AGBL4: variants seen among roughly 807,000 people sequenced by gnomAD.
AGBL4 encodes the protein AGBL carboxypeptidase 4, also known as cytosolic carboxypeptidase 6.
AGBL4 carries 58 observed loss-of-function variants against 66.4 expected under a neutral mutation model. That is an observed-to-expected ratio of 0.87 (90% CI 0.71 to 1.09). The LOEUF (loss-of-function observed/expected upper bound fraction) is 1.09, where lower values mean the gene tolerates loss of function less well. AGBL4 is among the 50% of genes least tolerant of loss of function. AGBL4 has a pLI of 0.00. For missense variants in AGBL4, 579 were observed against 631.0 expected, an observed-to-expected ratio of 0.92 and a Z score of 0.88; for synonymous variants, 234 against 222.9, an observed-to-expected ratio of 1.05 and a Z score of -0.44.
intron 2 of AGBL4, among the ~76,000 whole-genome samples, chr1:49,760,589 C>G (rs1652231668): frequency 6.6e-6 from 1 of 152,134 alleles, no homozygotes; most frequent in Non-Finnish European, 1.5e-5. Context: ...TAAATTAGTT[C>G]AACCACTGTG....
chr1:49,001,122 T>C (rs1661365270), intron 5 of AGBL4, among the ~76,000 whole-genome samples: 1 of 152,190 alleles, frequency 6.6e-6, no homozygotes, highest in South Asian at 2.1e-4. Context: ...ACCATTATGC[T>C]TCATTTTTAG....
chr1:49,348,911 T>C (rs1645693823), intron 3 of AGBL4, among the ~76,000 whole-genome samples: 1 of 152,212 alleles, frequency 6.6e-6, no homozygotes, highest in Non-Finnish European at 1.5e-5. Context: ...CCAGGGTAAA[T>C]AGTGAAAATA....
intron 4 of AGBL4, among the ~76,000 whole-genome samples, chr1:49,105,179 T>C (rs1645270262): frequency 6.6e-6 from 1 of 152,116 alleles, no homozygotes; most frequent in South Asian, 2.1e-4. Flanking sequence ...TGCTGCCAGG[T>C]GGGAGGACAG....
intron 4 of AGBL4, among the ~76,000 whole-genome samples, chr1:49,174,632 T>C (rs1646798610): frequency 6.6e-6 from 1 of 152,118 alleles, no homozygotes; most frequent in African/African-American, 2.4e-5. Context: ...TTGTTCAATC[T>C]ATAGGAGAAT....
chr1:49,484,915 T>C (rs1425071348), intron 3 of AGBL4, among the ~76,000 whole-genome samples: 1 of 151,788 alleles, frequency 6.6e-6, no homozygotes, highest in African/African-American at 2.4e-5. Context: ...TTTAAAAATC[T>C]TTATAAATGT....
At chr1:49,329,627 C>T (rs1223723796) in intron 3 of AGBL4, among the ~76,000 whole-genome samples, 1 of 152,082 alleles carries the variant, frequency 6.6e-6, no homozygotes, top group Non-Finnish European at 1.5e-5. Context: ...GATTGCACCA[C>T]TGCACTCCAG....
chr1:48,848,726 C>T (rs1159576901), intron 6 of AGBL4, among the ~76,000 whole-genome samples: 1 of 152,120 alleles, frequency 6.6e-6, no homozygotes, highest in Non-Finnish European at 1.5e-5. Context: ...GTGAAGTCTG[C>T]CGTATTGTGT....
chr1:48,620,449 T>A (rs1570031352), intron 9 of AGBL4, among the ~76,000 whole-genome samples: 2 of 151,926 alleles, frequency 1.3e-5, no homozygotes, highest in African/African-American at 2.4e-5. Flanking sequence ...GCTTTTAAAA[T>A]TTTTTTTGTA....
At chr1:48,820,991 CAT>C (rs1646299746) in intron 6 of AGBL4, among the ~76,000 whole-genome samples, 2 of 151,990 alleles carry the variant, frequency 1.3e-5, no homozygotes, top group African/African-American at 4.8e-5. Flanking sequence ...GGCCAATAAA[CAT>C]ATGAAAAAAT....
chr1:48,825,616 C>T (rs1391246306), intron 6 of AGBL4, among the ~76,000 whole-genome samples: 1 of 152,022 alleles, frequency 6.6e-6, no homozygotes, highest in Non-Finnish European at 1.5e-5. Context: ...ATTTTATTCG[C>T]TCATTGACTA....
At chr1:48,944,094 G>C (rs1656245476) in intron 5 of AGBL4, among the ~76,000 whole-genome samples, 1 of 152,146 alleles carries the variant, frequency 6.6e-6, no homozygotes, top group African/African-American at 2.4e-5. Flanking sequence ...TAAGGCACTG[G>C]CCTGCCTCAT....
At chr1:49,825,362 T>G (rs1645482711) in intron 2 of AGBL4, among the ~76,000 whole-genome samples, 1 of 152,244 alleles carries the variant, frequency 6.6e-6, no homozygotes, top group Non-Finnish European at 1.5e-5. Context: ...GTTGTTGACA[T>G]TTACCAAGTG....
chr1:48,562,744 G>T (rs1432888930), intron 11 of AGBL4, among the ~76,000 whole-genome samples: 2 of 152,160 alleles, frequency 1.3e-5, no homozygotes, highest in Non-Finnish European at 2.9e-5. Flanking sequence ...AGGAACTTCT[G>T]CTCAAATCAT....
At chr1:49,124,948 T>C (rs576101853) in intron 4 of AGBL4, among the ~76,000 whole-genome samples, 1 of 152,214 alleles carries the variant, frequency 6.6e-6, no homozygotes, top group African/African-American at 2.4e-5. Flanking sequence ...TTTGCTAGTC[T>C]CTTGAGGAGT....
chr1:49,735,292 T>TGTGG (rs879326509), intron 2 of AGBL4, among the ~76,000 whole-genome samples: 7 of 113,500 alleles, frequency 6.2e-5, no homozygotes, highest in African/African-American at 3.2e-4. Flanking sequence ...GGTAGAGGTG[T>TGTGG]GTGGGTGTGT....
At chr1:49,520,301 T>C (rs1650153594) in intron 3 of AGBL4, among the ~76,000 whole-genome samples, 2 of 151,924 alleles carry the variant, frequency 1.3e-5, no homozygotes, top group African/African-American at 4.8e-5. Context: ...TTGAAGAAAA[T>C]ATCATCTCAA....
At chr1:49,334,736 C>T (rs933597542) in intron 3 of AGBL4, among the ~76,000 whole-genome samples, 1 of 152,184 alleles carries the variant, frequency 6.6e-6, no homozygotes, top group African/African-American at 2.4e-5. Context: ...CCCCTACCAA[C>T]TATTTGGCAC....
intron 3 of AGBL4, among the ~76,000 whole-genome samples, chr1:49,651,672 A>G (rs1281599868): frequency 6.6e-6 from 1 of 151,996 alleles, no homozygotes; most frequent in Non-Finnish European, 1.5e-5. Flanking sequence ...CACAAGATAC[A>G]CTGCAGTCAC....
intron 3 of AGBL4, among the ~76,000 whole-genome samples, chr1:49,325,938 T>A (rs1645221202): frequency 6.6e-6 from 1 of 152,206 alleles, no homozygotes; most frequent in African/African-American, 2.4e-5. Flanking sequence ...CCTTCCACCA[T>A]GAATGAAAGC....
Sources: gnomAD v4.1 joint callset for allele counts (sites outside exome capture counted in the v4.1 genomes callset) on GRCh38, gnomAD v4.1.1 for gene constraint, MANE v1.5 for transcripts, NCBI Gene and HGNC (gene_info 2026-07-23, HGNC 2026-07-21) for gene names.